SCRG1: variants seen among roughly 807,000 people sequenced by gnomAD.
SCRG1 encodes scrapie-responsive protein 1.
Under a neutral mutation model 7.7 loss-of-function variants are expected in SCRG1, and 3 were observed. The observed-to-expected ratio is 0.39, with a 90% CI of 0.18 to 1.01. SCRG1 has a LOEUF of 1.01. Ranked by LOEUF, SCRG1 falls within the 50% of genes least tolerant of loss-of-function variation. The pLI is 0.36. For missense variants in SCRG1, 110 were observed against 117.2 expected (o/e 0.94, Z 0.28); for synonymous variants, 46 against 41.2 (o/e 1.12, Z -0.44).
rs1326764079 is a variant in SCRG1 at position 173,386,976 on chromosome 4, T to A, written c.*1365A>T. 3 of 152,224 alleles carry A rather than the reference T, an allele frequency of 2.0e-5. No individual in the cohort carries two copies. Among genetic ancestry groups the A allele is most frequent in the Non-Finnish European group, 4.4e-5 (3 of 68,036 alleles). The allele number at this position is 152,224 out of a possible 1,614,324, so 9.4% of individuals were successfully genotyped here. On this transcript the variant is annotated 3_prime_UTR_variant, in exon 3 of 3. Coordinates refer to ENST00000296506, the MANE Select transcript of SCRG1 (RefSeq NM_007281.4). ...ACCTCTGATGGCAATATGAGTCACA[T>A]ACCTCTTAAGTTATGGGGCATAATC...
the SCRG1 span, among the ~76,000 whole-genome samples, chr4:173,466,574 A>G: frequency 3.9e-5 from 6 of 152,164 alleles, no homozygotes; most frequent in South Asian, 6.2e-4. Context: ...GTACAAGATA[A>G]CCACTTAGGG....
At chr4:173,479,432 TTTGTTTTTTTG>T in the SCRG1 span, among the ~76,000 whole-genome samples, 3 of 144,126 alleles carry the variant, frequency 2.1e-5, no homozygotes, top group Admixed American at 7.1e-5. Flanking sequence ...TTTTTGTTTG[TTTGTTTTTTTG>T]TTTTTTTTTT....
At chr4:173,398,253 C>G (rs978380320) in intron 1 of SCRG1, 1 of 152,160 alleles carries the variant, frequency 6.6e-6, no homozygotes, top group Non-Finnish European at 1.5e-5. Context: ...TCTTAAATAT[C>G]TAAGATACCT....
chr4:173,433,017 G>GA, the SCRG1 span, among the ~76,000 whole-genome samples: 32 of 152,194 alleles, frequency 2.1e-4, 1 homozygote, highest in South Asian at 6.7e-3. Context: ...CAGAAAGCAT[G>GA]AAAAAAATAG....
At chr4:173,503,104 T>A in the SCRG1 span, among the ~76,000 whole-genome samples, 1 of 152,084 alleles carries the variant, frequency 6.6e-6, no homozygotes, top group Non-Finnish European at 1.5e-5. The surrounding 1 kb of genome is among the most constrained non-coding windows in gnomAD (Gnocchi z 6.4). Flanking sequence ...CCTGGGTACG[T>A]CCCAGGGCTC....
the SCRG1 span, among the ~76,000 whole-genome samples, chr4:173,433,269 A>G: frequency 6.6e-6 from 1 of 152,366 alleles, no homozygotes; most frequent in South Asian, 2.1e-4. Flanking sequence ...TAAACAAAAT[A>G]AAGCAAGTTC....
At chr4:173,404,263 T>TA (rs1560835442) in intron 2 of SCRG1, 1 of 152,198 alleles carries the variant, frequency 6.6e-6, no homozygotes, top group Non-Finnish European at 1.5e-5. Context: ...AGTACCTTTT[T>TA]AAAAAATTGT....
chr4:173,491,621 A>T, the SCRG1 span, among the ~76,000 whole-genome samples: 1 of 152,298 alleles, frequency 6.6e-6, no homozygotes, highest in Admixed American at 6.5e-5. Context: ...ACAGGGTTCT[A>T]AGGTGGGGTT....
the SCRG1 span, among the ~76,000 whole-genome samples, chr4:173,508,153 T>C: frequency 6.6e-6 from 1 of 152,290 alleles, no homozygotes; most frequent in African/African-American, 2.4e-5. The surrounding 1 kb of genome is among the most constrained non-coding windows in gnomAD (Gnocchi z 4.4). Flanking sequence ...ACAAGACGGC[T>C]TCTTGGAACT....
chr4:173,483,409 T>A, the SCRG1 span, among the ~76,000 whole-genome samples: 105 of 23,606 alleles, frequency 4.4e-3, 6 homozygotes, highest in Middle Eastern at 0.042. Flanking sequence ...TGATATATAT[T>A]ATATATTATA....
intron 2 of SCRG1, chr4:173,389,761 C>A: frequency 4.1e-6 from 1 of 243,478 alleles, no homozygotes; most frequent in South Asian, 4.4e-5. Flanking sequence ...GGGTTCTAAT[C>A]CCAGTGTTGA....
chr4:173,406,545 A>G (rs1004560909), upstream of SCRG1, among the ~76,000 whole-genome samples: 11 of 152,222 alleles, frequency 7.2e-5, no homozygotes, highest in African/African-American at 2.7e-4. Flanking sequence ...TGACAAGCAC[A>G]TAGTGTCTTG....
the SCRG1 span, among the ~76,000 whole-genome samples, chr4:173,435,684 A>AT: frequency 3.9e-5 from 6 of 151,994 alleles, no homozygotes; most frequent in Non-Finnish European, 4.4e-5. Context: ...GTCAGAGTCC[A>AT]TTTTTTTTGC....
chr4:173,506,396 C>A, the SCRG1 span, among the ~76,000 whole-genome samples: 1 of 152,090 alleles, frequency 6.6e-6, no homozygotes, highest in Non-Finnish European at 1.5e-5. The surrounding 1 kb of genome is among the most constrained non-coding windows in gnomAD (Gnocchi z 5.3). Flanking sequence ...GCTGCAGGGC[C>A]CCTCAGTGTG....
At chr4:173,513,882 C>T in the SCRG1 span, among the ~76,000 whole-genome samples, 150,386 of 152,316 alleles carry the variant, frequency 0.99, 74,265 homozygotes, top group East Asian at 1. Flanking sequence ...GGACAGACTT[C>T]AGTGGGTGAG....
the SCRG1 span, among the ~76,000 whole-genome samples, chr4:173,432,242 T>TCTTCCTTCTTTCCTTC: frequency 6.7e-6 from 1 of 149,812 alleles, no homozygotes; most frequent in Non-Finnish European, 1.5e-5. Flanking sequence ...TTCTTTCCTT[T>TCTTCCTTCTTTCCTTC]CTTCCTTCTT....
At chr4:173,454,759 G>T in the SCRG1 span, among the ~76,000 whole-genome samples, 1 of 152,110 alleles carries the variant, frequency 6.6e-6, no homozygotes, top group Non-Finnish European at 1.5e-5. Flanking sequence ...GAGAGATTTG[G>T]TGTGGGGCAG....
At chr4:173,479,269 C>T in the SCRG1 span, among the ~76,000 whole-genome samples, 2 of 151,992 alleles carry the variant, frequency 1.3e-5, no homozygotes, top group Admixed American at 1.3e-4. Context: ...GTACTAAAAC[C>T]AATAGATATA....
the SCRG1 span, among the ~76,000 whole-genome samples, chr4:173,478,131 T>C: frequency 3.3e-5 from 5 of 152,112 alleles, no homozygotes; most frequent in South Asian, 1.0e-3. Flanking sequence ...AAAATTAAAG[T>C]TAATTGGAAA....
Sources: allele counts gnomAD v4.1 joint callset (sites outside exome capture counted in the v4.1 genomes callset), GRCh38; gene constraint gnomAD v4.1.1; non-coding constraint Gnocchi (gnomAD v3.1); transcripts MANE v1.5; gene names NCBI Gene and HGNC (gene_info 2026-07-23, HGNC 2026-07-21).